ANKFN1: variants seen among roughly 807,000 people sequenced by gnomAD.
ANKFN1 encodes ankyrin repeat and fibronectin type III domain containing 1, also known as ankyrin repeat and fibronectin type-III domain-containing protein 1.
Under a neutral mutation model 108.7 loss-of-function variants are expected in ANKFN1, and 74 were observed. That is an observed-to-expected ratio of 0.68 (90% CI 0.56 to 0.83). The LOEUF is 0.83. Ranked by LOEUF, ANKFN1 falls within the 40% of genes least tolerant of loss-of-function variation. The pLI is 0.00. For missense variants in ANKFN1, 1,505 were observed against 1,382.3 expected (o/e 1.09, Z -1.41); for synonymous variants, 547 against 516.2 (o/e 1.06, Z -0.81).
intron 3 of ANKFN1, among the ~76,000 whole-genome samples, chr17:56,253,920 T>G (rs1418668832): frequency 1.3e-5 from 2 of 152,188 alleles, no homozygotes; most frequent in Non-Finnish European, 2.9e-5. Flanking sequence ...TTTACATATG[T>G]ATCTTCATAT....
In ANKFN1 at chr17:56,257,152, G is replaced by A. The variant is rs556148868; in HGVS notation, c.53+29195G>A. On this transcript the variant is annotated intron_variant, in intron 3 of 20. Transcript: ENST00000682825. ...TTTGAAGTCCTTGGTTTGGTGCCTG[G>A]TATAGTAAGAACTCAATAGTTTTTA... is the stretch of plus-strand genomic sequence containing the variant. Among the ~76,000 whole-genome samples the A allele has an allele frequency of 2.0e-5, 3 of 152,238 alleles. No homozygotes were observed. The East Asian group carries it at 5.8e-4, about 29-fold the overall frequency.
intron 4 of ANKFN1, among the ~76,000 whole-genome samples, chr17:56,112,395 T>G (rs978383875): frequency 2.0e-5 from 3 of 152,024 alleles, no homozygotes; most frequent in Non-Finnish European, 4.4e-5. Flanking sequence ...TTATCCAGAC[T>G]CTGGTCTTTT....
intron 1 of ANKFN1, among the ~76,000 whole-genome samples, chr17:56,183,102 G>T (rs1314266714): frequency 6.6e-6 from 1 of 152,182 alleles, no homozygotes; most frequent in Admixed American, 6.5e-5. Context: ...ATAGAGATCT[G>T]CAAAGGAGAT....
intron 3 of ANKFN1, among the ~76,000 whole-genome samples, chr17:56,320,109 A>G (rs897572722): frequency 3.3e-5 from 5 of 152,288 alleles, no homozygotes; most frequent in African/African-American, 1.2e-4. Context: ...TACTTTGTAG[A>G]GTGTGAGAAT....
chr17:56,459,101 G>A (rs903199551), intron 14 of ANKFN1, among the ~76,000 whole-genome samples: 4 of 151,908 alleles, frequency 2.6e-5, no homozygotes, highest in African/African-American at 4.8e-5. Flanking sequence ...CAACTCACTC[G>A]GGTTTTTTTT....
At chr17:56,219,832 G>GA (rs35560360) in intron 2 of ANKFN1, among the ~76,000 whole-genome samples, 1 of 152,200 alleles carries the variant, frequency 6.6e-6, no homozygotes, top group Non-Finnish European at 1.5e-5. Flanking sequence ...TCCAATGGCG[G>GA]CTACTGAAAC....
In ANKFN1 at chr17:56,514,580, T is replaced by C. The variant is rs1455604011; in HGVS notation, c.*3311T>C. ...GCCTGGGAGACAGTAATTAAAAACA[T>C]TCACTCCAGGGAATGAGTATTTTAA... On this transcript the variant is annotated 3_prime_UTR_variant, in exon 21 of 21. Transcript: ENST00000682825. Among the ~76,000 whole-genome samples the C allele has an allele frequency of 1.3e-5, 2 of 152,194 alleles. No homozygotes were observed. The highest frequency in any genetic ancestry group is 6.5e-5 in the Admixed American group (1 of 15,286).
At chr17:56,062,107 G>T (rs1445609936) in intron 4 of ANKFN1, among the ~76,000 whole-genome samples, 2 of 152,142 alleles carry the variant, frequency 1.3e-5, no homozygotes, top group Admixed American at 1.3e-4. Context: ...TGTTTGTTAT[G>T]ATTTCAGTTC....
chr17:56,285,956 G>A (rs2044205985), intron 3 of ANKFN1, among the ~76,000 whole-genome samples: 1 of 152,076 alleles, frequency 6.6e-6, no homozygotes. Context: ...ATCTATACCT[G>A]TTGTCCCAGA....
chr17:56,450,614 G>C (rs1376788354), intron 11 of ANKFN1, among the ~76,000 whole-genome samples: 3 of 152,086 alleles, frequency 2.0e-5, no homozygotes, highest in Non-Finnish European at 1.5e-5. Flanking sequence ...GTTATTGAGG[G>C]CTCATTTAAC....
intron 8 of ANKFN1, among the ~76,000 whole-genome samples, chr17:56,415,595 T>G (rs576155984): frequency 1.2e-4 from 19 of 152,172 alleles, no homozygotes; most frequent in Non-Finnish European, 2.8e-4. Context: ...ATATCCCATG[T>G]TCATGGGTTG....
At chr17:56,219,241 TTTTG>T (rs1390378853) in intron 2 of ANKFN1, among the ~76,000 whole-genome samples, 1 of 135,230 alleles carries the variant, frequency 7.4e-6, no homozygotes, top group Non-Finnish European at 1.5e-5. Flanking sequence ...GATTATTTGT[TTTTG>T]TTTGTTTATT....
chr17:56,376,569 C>T (rs948926870), intron 8 of ANKFN1, among the ~76,000 whole-genome samples: 2 of 152,202 alleles, frequency 1.3e-5, no homozygotes, highest in Admixed American at 6.5e-5. Context: ...TTCATCAGTG[C>T]TGCCCACCTT....
At chr17:56,375,550 G>A (rs934145706) in intron 8 of ANKFN1, among the ~76,000 whole-genome samples, 1 of 152,148 alleles carries the variant, frequency 6.6e-6, no homozygotes, top group African/African-American at 2.4e-5. Context: ...GAATAAGGTA[G>A]GGACAGGATC....
chr17:56,075,339 G>GA (rs1362693951), intron 4 of ANKFN1, among the ~76,000 whole-genome samples: 2 of 152,136 alleles, frequency 1.3e-5, no homozygotes, highest in Non-Finnish European at 2.9e-5. Flanking sequence ...CAATGTACGT[G>GA]AAGTACCTTG....
Position 56,264,388 on chromosome 17 carries a change from C to A in ANKFN1, c.53+36431C>A, listed in dbSNP as rs78547136. On this transcript the variant is annotated intron_variant, in intron 3 of 20. Transcript: ENST00000682825. ...TGGGCATCTTTTGTGCATCACAAGC[C>A]TACTCTGCCTGTTAGACCTCCCAAA... Among the ~76,000 whole-genome samples the A allele has an allele frequency of 2.4e-3, 361 of 152,354 alleles. 3 individuals carry two copies. Among genetic ancestry groups the A allele is most frequent in the African/African-American group, 6.0e-3 (249 of 41,590 alleles).
At position 56,290,840 on chromosome 17, in the gene ANKFN1, T is replaced by C. The variant is rs192771236; in HGVS notation, c.54-35381T>C. 1.7e-3 allele frequency among the ~76,000 whole-genome samples: 257 copies of C among 152,276 alleles called. 1 individual carries two copies. The highest frequency in any genetic ancestry group is 5.9e-3 in the African/African-American group (245 of 41,562). On this transcript the variant is annotated intron_variant, in intron 3 of 20. Transcript: ENST00000682825. The stretch of plus-strand genomic sequence containing the variant: ...AGAATATCTGATATCAAAATTACTC[T>C]TGGAACAGTGTCTGATCTCATTTCC...
intron 3 of ANKFN1, among the ~76,000 whole-genome samples, chr17:56,276,097 A>G (rs1282245890): frequency 6.6e-6 from 1 of 151,952 alleles, no homozygotes. Flanking sequence ...ATTCCCACCT[A>G]TGAGTGAGAA....
intron 1 of ANKFN1, among the ~76,000 whole-genome samples, chr17:56,189,202 G>A (rs1253483553): frequency 5.1e-5 from 4 of 78,000 alleles, no homozygotes; most frequent in African/African-American, 2.6e-4. Context: ...ACGGAGTCTC[G>A]CTCTGTCGCC....
Sources: allele counts gnomAD v4.1 joint callset (sites outside exome capture counted in the v4.1 genomes callset), GRCh38; gene constraint gnomAD v4.1.1; transcripts MANE v1.5; gene names NCBI Gene and HGNC (gene_info 2026-07-23, HGNC 2026-07-21).